NEK5: variants seen among roughly 807,000 people sequenced by gnomAD.
NEK5 encodes the protein serine/threonine-protein kinase Nek5.
In NEK5, 88 loss-of-function variants were observed where a neutral mutation model predicts 109.2. The ratio of observed to expected loss-of-function variants is 0.81; its 90% CI spans 0.68 to 0.96. The LOEUF (loss-of-function observed/expected upper bound fraction) is 0.96. Ranked by LOEUF, NEK5 falls within the 40% of genes least tolerant of loss-of-function variation. The pLI is 0.00. For synonymous variants in NEK5, 283 were observed against 299.9 expected (o/e 0.94, Z 0.58); for missense variants, 834 against 920.7 (o/e 0.91, Z 1.22).
intron 22 of NEK5, among the ~76,000 whole-genome samples, chr13:52,050,641 T>TA (rs1401485588): frequency 6.6e-6 from 1 of 151,746 alleles, no homozygotes; most frequent in Non-Finnish European, 1.5e-5. Flanking sequence ...TTTTTTTTTT[T>TA]ACTTAAAATG....
Position 52,127,495 on chromosome 13 carries a change from GC to G in NEK5, c.-14del. 1 of 1,389,778 alleles carries G rather than the reference GC, an allele frequency of 7.2e-7. No individual in the cohort carries two copies. 86.1% of individuals were successfully genotyped at this position (1,389,778 alleles called of 1,614,324 possible). A position where few individuals can be genotyped will look rare whatever the true frequency, so the allele number is the denominator to read the frequency against. On this transcript the variant is annotated 5_prime_UTR_variant, in exon 3 of 24. Transcript: ENST00000684899. ...CGTACTTATCCATGGTCTCCAATGG[GC>G]TGAGTTTCCTGGAATTAGAGTAATG...
chr13:52,104,648 A>C (rs1566806377), intron 8 of NEK5, 96 bp from the exon 9 acceptor site: 1 of 813,892 alleles, frequency 1.2e-6, no homozygotes, highest in Non-Finnish European at 2.1e-6. Context: ...TCGCTTTACA[A>C]TTTTATGTAA....
chr13:52,111,953 C>T (rs1955766989), intron 5 of NEK5, among the ~76,000 whole-genome samples: 1 of 152,100 alleles, frequency 6.6e-6, no homozygotes, highest in African/African-American at 2.4e-5. Flanking sequence ...TGTTAAATGG[C>T]TAAGGAACAC....
Position 52,076,091 on chromosome 13 carries a change from T to C in NEK5, c.1625A>G (p.Lys542Arg), listed in dbSNP as rs768129634. The change falls in exon 18 of 24, where the codon AAA becomes AGA. Residue 542 changes from lysine to arginine, a missense_variant. Physicochemically the swap from Lys to Arg is conservative, Grantham distance 26 (BLOSUM62 2). Transcript: ENST00000684899. ...AGCTTTATATTTCTGTTCTGGATTT[T>C]TACTTTCCTTTGTGTTCTGAAGCCT... ...QMRLQNTKES[K>R]NPEQKYKAKK... The C allele has an allele frequency of 6.2e-7, 1 of 1,601,672 alleles. No homozygotes were observed.
At chr13:52,110,463 TTCTG>T in intron 6 of NEK5, 27 bp downstream of exon 6, 1 of 1,596,624 alleles carries the variant, frequency 6.3e-7, no homozygotes, top group East Asian at 2.2e-5. Context: ...AAAAGATCAG[TTCTG>T]TCTTAGTCTT....
intron 12 of NEK5, among the ~76,000 whole-genome samples, chr13:52,095,093 AT>A (rs929807845): frequency 3.3e-5 from 5 of 150,062 alleles, no homozygotes; most frequent in Non-Finnish European, 5.9e-5. Context: ...AAAACAAAAA[AT>A]TTTTTTTTTA....
In NEK5 at chr13:52,127,409, G is replaced by A. The variant is rs1594013436; in HGVS notation, c.74C>T (p.Ser25Leu). The change falls in exon 3 of 24, where the codon TCA (serine) becomes TTA (leucine). Residue 25 changes from serine to leucine, a missense_variant. Ser to Leu is a moderately radical substitution (Grantham distance 145). Transcript: ENST00000684899. ...TTTTATGACACAGTGCTTGCTATCT[G>A]ATTTCCCTTTAGCTAAGTATGCTTT... is the stretch of plus-strand genomic sequence containing the variant. The part of the protein sequence containing the change: ...FGKAYLAKGK[S>L]DSKHCVIKEI... 6.2e-7 allele frequency: 1 copy of A among 1,612,026 alleles called. No individual in the cohort carries two copies. Among genetic ancestry groups the A allele is most frequent in the East Asian group, 2.2e-5 (1 of 44,866 alleles).
intron 23 of NEK5, among the ~76,000 whole-genome samples, chr13:52,040,539 T>C (rs1416454708): frequency 6.6e-6 from 1 of 152,194 alleles, no homozygotes; most frequent in Non-Finnish European, 1.5e-5. Context: ...ATATTTTTCT[T>C]ATGTTTGGAT....
At chr13:52,077,547 G>A (rs1190316967) in intron 17 of NEK5, among the ~76,000 whole-genome samples, 2 of 152,058 alleles carry the variant, frequency 1.3e-5, no homozygotes, top group Admixed American at 6.6e-5. Flanking sequence ...GACAAGGCTT[G>A]GGGGGTATTA....
intron 23 of NEK5, among the ~76,000 whole-genome samples, chr13:52,045,362 C>CCTTGTGATCTGCCCTCCT (rs1283980952): frequency 1.3e-5 from 2 of 149,612 alleles, no homozygotes; most frequent in East Asian, 4.1e-4. Context: ...GATCTCCTGA[C>CCTTGTGATCTGCCCTCCT]CTTGTGATCT....
At chr13:52,098,261 CAAATAAATAAATAAATAAAT>C (rs34554364) in intron 12 of NEK5, among the ~76,000 whole-genome samples, 1 of 146,906 alleles carries the variant, frequency 6.8e-6, no homozygotes. Flanking sequence ...GACCCTCTTT[CAAATAAATAAATAAATAAAT>C]AAATAAATAA....
At chr13:52,114,349 A>AAAATCTC (rs1955809848) in intron 4 of NEK5, among the ~76,000 whole-genome samples, 1 of 152,218 alleles carries the variant, frequency 6.6e-6, no homozygotes, top group African/African-American at 2.4e-5. Flanking sequence ...ATCTCTTGCC[A>AAAATCTC]AATATCTATC....
Position 52,037,100 on chromosome 13 carries a change from T to TA in NEK5, c.2346dup (p.Arg783Ter). The TA allele has an allele frequency of 3.0e-6, 3 of 985,436 alleles. No homozygotes were observed. The highest frequency in any genetic ancestry group is 4.7e-5 in the South Asian group (1 of 21,280). The allele number at this position is 985,436 out of a possible 1,614,324, so 61.0% of individuals were successfully genotyped here. On this transcript the variant is annotated frameshift_variant, in exon 24 of 24. Transcript: ENST00000684899. LOFTEE classifies it high-confidence loss of function. ...ATCCCCTCTCTTTCTCTTGACTTTC[T>TA]AGAGTCCTTAGAGGTACTGGAGGCC...
At chr13:52,086,231 G>T in intron 16 of NEK5, 46 bp downstream of exon 16, 2 of 1,149,934 alleles carry the variant, frequency 1.7e-6, no homozygotes, top group Non-Finnish European at 2.6e-6. Flanking sequence ...AATTTAGTTA[G>T]CTCTAAATCG....
At chr13:52,097,893 T>C (rs1375904674) in intron 12 of NEK5, among the ~76,000 whole-genome samples, 1 of 152,132 alleles carries the variant, frequency 6.6e-6, no homozygotes, top group Non-Finnish European at 1.5e-5. Context: ...AGGAGGGGCC[T>C]GGTGGAAGGT....
intron 5 of NEK5, among the ~76,000 whole-genome samples, chr13:52,111,351 G>A (rs1392677309): frequency 6.6e-6 from 1 of 152,084 alleles, no homozygotes; most frequent in Non-Finnish European, 1.5e-5. Context: ...ATTTTGTCAT[G>A]AGAAGCATTT....
At chr13:52,087,526 T>G in intron 14 of NEK5, 72 bp from the exon 15 acceptor site, 1 of 776,918 alleles carries the variant, frequency 1.3e-6, no homozygotes, top group Non-Finnish European at 2.2e-6. Flanking sequence ...GACATTGACT[T>G]TTTCCTATAA....
chr13:52,117,445 TAA>T (rs1385224645), intron 4 of NEK5, among the ~76,000 whole-genome samples: 1 of 152,102 alleles, frequency 6.6e-6, no homozygotes, highest in Non-Finnish European at 1.5e-5. Flanking sequence ...GTGCTCTACT[TAA>T]AAAGAGTCAT....
intron 5 of NEK5, among the ~76,000 whole-genome samples, chr13:52,111,546 T>C (rs1955759356): frequency 1.3e-5 from 2 of 152,194 alleles, no homozygotes; most frequent in African/African-American, 4.8e-5. Flanking sequence ...TATATGGGCA[T>C]GATGCTCTTA....
Sources: allele counts gnomAD v4.1 joint callset (sites outside exome capture counted in the v4.1 genomes callset), GRCh38; gene constraint gnomAD v4.1.1; transcripts MANE v1.5; gene names NCBI Gene and HGNC (gene_info 2026-07-23, HGNC 2026-07-21).